Variants in ARHGEF28 observed in about 807,000 individuals in gnomAD.
ARHGEF28 encodes Rho guanine nucleotide exchange factor 28.
In ARHGEF28, 152 loss-of-function variants were observed where a neutral mutation model predicts 206.6. The ratio of observed to expected loss-of-function variants is 0.74; its 90% CI spans 0.64 to 0.84. The LOEUF (loss-of-function observed/expected upper bound fraction) is 0.84. Among genes scored for constraint, ARHGEF28 ranks in the 40% least tolerant of loss-of-function variants. The pLI is 0.00. For missense variants in ARHGEF28, 2,028 were observed against 2,073.2 expected, an observed-to-expected ratio of 0.98 and a Z score of 0.42; for synonymous variants, 763 against 776.4, an observed-to-expected ratio of 0.98 and a Z score of 0.29.
chr5:73,709,377 C>A (rs1194716458), intron 2 of ARHGEF28, among the ~76,000 whole-genome samples: 2 of 152,160 alleles, frequency 1.3e-5, no homozygotes, highest in African/African-American at 2.4e-5. Flanking sequence ...CCCTGGCAAC[C>A]ATTAATCTGT....
intron 28 of ARHGEF28, among the ~76,000 whole-genome samples, chr5:73,893,823 A>G (rs1173665649): frequency 2.0e-4 from 30 of 152,192 alleles, no homozygotes; most frequent in Admixed American, 2.0e-3. Context: ...AGCTCTCCCA[A>G]GGTGACTTTG....
chr5:73,756,325 T>C (rs1752307932), intron 4 of ARHGEF28, among the ~76,000 whole-genome samples: 2 of 152,198 alleles, frequency 1.3e-5, no homozygotes. Flanking sequence ...ATACAATTGG[T>C]TTGGACAAAT....
intron 9 of ARHGEF28, among the ~76,000 whole-genome samples, chr5:73,809,729 G>A (rs1307861703): frequency 6.6e-6 from 1 of 152,210 alleles, no homozygotes; most frequent in African/African-American, 2.4e-5. Flanking sequence ...CAAGGCAGCA[G>A]TATCTTCTCT....
At chr5:73,702,101 G>A (rs1318250721) in intron 2 of ARHGEF28, among the ~76,000 whole-genome samples, 2 of 152,168 alleles carry the variant, frequency 1.3e-5, no homozygotes, top group African/African-American at 2.4e-5. Context: ...CAGAATGGCT[G>A]TATCATTTTA....
chr5:73,721,366 T>C (rs1291165895), intron 2 of ARHGEF28, among the ~76,000 whole-genome samples: 2 of 152,184 alleles, frequency 1.3e-5, no homozygotes, highest in Non-Finnish European at 2.9e-5. Context: ...AACCCTCTAG[T>C]GAAACCCTTG....
chr5:73,699,961 C>T (rs953569266), intron 2 of ARHGEF28, among the ~76,000 whole-genome samples: 2 of 152,190 alleles, frequency 1.3e-5, no homozygotes, highest in African/African-American at 2.4e-5. Flanking sequence ...AGTCTATTCT[C>T]ATCAGTAGAA....
At chr5:73,807,408 T>C (rs1287491618) in intron 9 of ARHGEF28, among the ~76,000 whole-genome samples, 1 of 152,208 alleles carries the variant, frequency 6.6e-6, no homozygotes, top group African/African-American at 2.4e-5. Context: ...TTGTCTGTTA[T>C]TTTTCTTAAG....
At chr5:73,740,157 A>T (rs1044439108) in intron 2 of ARHGEF28, among the ~76,000 whole-genome samples, 2 of 144,154 alleles carry the variant, frequency 1.4e-5, no homozygotes, top group African/African-American at 5.1e-5. Context: ...AGCTTGGGTG[A>T]TATAGTGAGA....
At chr5:73,680,332 G>A (rs1181241798) in intron 1 of ARHGEF28, among the ~76,000 whole-genome samples, 2 of 150,780 alleles carry the variant, frequency 1.3e-5, no homozygotes, top group African/African-American at 4.9e-5. Flanking sequence ...CTACTCAGGA[G>A]GCTGAGGTAG....
intron 9 of ARHGEF28, among the ~76,000 whole-genome samples, chr5:73,812,838 G>T (rs1157164006): frequency 6.6e-6 from 1 of 152,148 alleles, no homozygotes; most frequent in African/African-American, 2.4e-5. Context: ...CTAAACAGTG[G>T]TAGATAACTT....
intron 22 of ARHGEF28, among the ~76,000 whole-genome samples, chr5:73,875,896 G>A (rs944483075): frequency 2.0e-4 from 31 of 152,178 alleles, no homozygotes; most frequent in Non-Finnish European, 2.9e-4. Context: ...TTGACTTGGC[G>A]ATGCGGGCTC....
chr5:73,776,175 C>T (rs753632013), intron 5 of ARHGEF28, among the ~76,000 whole-genome samples: 3 of 152,060 alleles, frequency 2.0e-5, no homozygotes, highest in Non-Finnish European at 2.9e-5. Flanking sequence ...TACAGGTAGC[C>T]CCATTAAAGT....
chr5:73,918,741 G>T (rs1580102302), intron 35 of ARHGEF28, among the ~76,000 whole-genome samples: 2 of 152,220 alleles, frequency 1.3e-5, no homozygotes, highest in Non-Finnish European at 2.9e-5. Flanking sequence ...CCCTCTGACT[G>T]TGCAGCTAAT....
At chr5:73,704,746 A>G (rs919282800) in intron 2 of ARHGEF28, among the ~76,000 whole-genome samples, 4 of 152,194 alleles carry the variant, frequency 2.6e-5, no homozygotes, top group African/African-American at 9.6e-5. Flanking sequence ...TTTTTTAAAT[A>G]AAGGCAGGAA....
chr5:73,854,566 C>T (rs1758897845), intron 14 of ARHGEF28, among the ~76,000 whole-genome samples: 1 of 152,184 alleles, frequency 6.6e-6, no homozygotes, highest in Non-Finnish European at 1.5e-5. Context: ...TGCGGTGGCT[C>T]ATGCCTGTAA....
intron 10 of ARHGEF28, among the ~76,000 whole-genome samples, chr5:73,839,719 C>T (rs916142191): frequency 3.9e-5 from 6 of 152,190 alleles, no homozygotes; most frequent in Non-Finnish European, 7.3e-5. Context: ...AGCACGAGGC[C>T]TTACCTGCTG....
chr5:73,928,617 C>G (rs1763947883), intron 35 of ARHGEF28, among the ~76,000 whole-genome samples: 1 of 152,044 alleles, frequency 6.6e-6, no homozygotes, highest in South Asian at 2.1e-4. Context: ...CTGTTTTTCC[C>G]TCTACTGAAC....
chr5:73,781,081 A>G (rs1276031801), intron 7 of ARHGEF28, among the ~76,000 whole-genome samples: 1 of 151,970 alleles, frequency 6.6e-6, no homozygotes, highest in Admixed American at 6.6e-5. Flanking sequence ...TCATTCTATC[A>G]TTTGTTCTTT....
intron 4 of ARHGEF28, among the ~76,000 whole-genome samples, chr5:73,754,288 T>G (rs774904408): frequency 6.6e-6 from 1 of 152,210 alleles, no homozygotes; most frequent in Non-Finnish European, 1.5e-5. Context: ...TTTCTTTCCT[T>G]TAATCAGGGT....
Sources: allele counts gnomAD v4.1 joint callset (sites outside exome capture counted in the v4.1 genomes callset), GRCh38; gene constraint gnomAD v4.1.1; transcripts MANE v1.5; gene names NCBI Gene and HGNC (gene_info 2026-07-23, HGNC 2026-07-21).